Variants in IARS1 observed in about 807,000 individuals in gnomAD.
IARS1 encodes the protein isoleucyl-tRNA synthetase 1.
Under a neutral mutation model 168.2 loss-of-function variants are expected in IARS1, and 124 were observed. The observed-to-expected ratio is 0.74, with a 90% CI of 0.64 to 0.86. The LOEUF is 0.86. Ranked by LOEUF, IARS1 falls within the 40% of genes least tolerant of loss-of-function variation. The pLI, the probability that IARS1 is intolerant of heterozygous loss-of-function variation, is 0.00. For synonymous variants in IARS1, 532 were observed against 529.4 expected, an observed-to-expected ratio of 1.00 and a Z score of -0.07; for missense variants, 1,452 against 1,515.8, an observed-to-expected ratio of 0.96 and a Z score of 0.70.
intron 26 of IARS1, among the ~76,000 whole-genome samples, chr9:92,246,422 T>C (rs995106507): frequency 6.6e-6 from 1 of 152,168 alleles, no homozygotes; most frequent in Admixed American, 6.5e-5. Flanking sequence ...ATTCTAATCA[T>C]GGCAGAGCTG....
At chr9:92,243,157 A>G in intron 28 of IARS1, 59 bp downstream of exon 28, 2 of 1,283,302 alleles carry the variant, frequency 1.6e-6, no homozygotes, top group Non-Finnish European at 1.1e-6. Flanking sequence ...TATCTTCTCC[A>G]AACAACCAAA....
intron 28 of IARS1, chr9:92,242,830 A>G (rs1828635083): frequency 4.7e-6 from 1 of 213,004 alleles, no homozygotes; most frequent in Non-Finnish European, 9.5e-6. Flanking sequence ...ATAAGGAAAA[A>G]CTACCCAACT....
At position 92,222,049 on chromosome 9, in the gene IARS1, G is replaced by C. The variant is rs573646190; in HGVS notation, c.3706+471C>G. Among the ~76,000 whole-genome samples the C allele has an allele frequency of 4.6e-5, 7 of 152,114 alleles. No homozygotes were observed. In the South Asian group the frequency reaches 1.5e-3, roughly 32 times the overall value. ...AATTATATTATTGACCGGGCATCAC[G>C]GCTCACGCCTGTAATCCCAGCACTT... is the stretch of plus-strand genomic sequence containing the variant. On this transcript the variant is annotated intron_variant, in intron 33 of 33. Coordinates refer to ENST00000443024, the MANE Select transcript of IARS1 (RefSeq NM_002161.6).
chr9:92,229,942 G>C (rs1297504190), intron 30 of IARS1, among the ~76,000 whole-genome samples: 1 of 152,050 alleles, frequency 6.6e-6, no homozygotes, highest in Non-Finnish European at 1.5e-5. Flanking sequence ...GAGAATCCTC[G>C]TGTTGCCTTT....
intron 31 of IARS1, 103 bp downstream of exon 31, chr9:92,228,898 T>A: frequency 7.4e-7 from 1 of 1,353,758 alleles, no homozygotes; most frequent in Non-Finnish European, 1.0e-6. Flanking sequence ...TCAAGAGAGT[T>A]AGGAAAAATG....
chr9:92,213,508 T>C (rs2133311024), intron 33 of IARS1, among the ~76,000 whole-genome samples: 1 of 151,966 alleles, frequency 6.6e-6, no homozygotes, highest in East Asian at 1.9e-4. Context: ...GACCACGGAG[T>C]CAGAGACTGA....
chr9:92,281,229 G>C lies in IARS1; in HGVS notation c.598-336C>G, dbSNP rs1428670674. ...GCTCACTGCAGCCCCTGCCTCCTGG[G>C]TTCAAGTGATTCTTGTGCCTCAGCC... On this transcript the variant is annotated intron_variant, in intron 6 of 33. Transcript: ENST00000443024. Among the ~76,000 whole-genome samples the C allele has an allele frequency of 2.0e-5, 3 of 151,490 alleles. No individual in the cohort carries two copies. The East Asian group carries it at 5.8e-4, about 29-fold the overall frequency.
At chr9:92,283,490 A>C (rs752530807) in intron 6 of IARS1, among the ~76,000 whole-genome samples, 5 of 152,148 alleles carry the variant, frequency 3.3e-5, no homozygotes, top group Non-Finnish European at 7.3e-5. Context: ...CTAAAAATAC[A>C]AAACTTAGCT....
chr9:92,249,603 A>C (rs1220634224), intron 25 of IARS1, among the ~76,000 whole-genome samples: 1 of 152,148 alleles, frequency 6.6e-6, no homozygotes, highest in Non-Finnish European at 1.5e-5. Flanking sequence ...CAGGACAGAA[A>C]AGAACAGAAC....
intron 17 of IARS1, among the ~76,000 whole-genome samples, chr9:92,260,555 T>C (rs1831377347): frequency 6.6e-6 from 1 of 152,116 alleles, no homozygotes; most frequent in Admixed American, 6.5e-5. Context: ...CTGGGGAGGC[T>C]GAGGCAGGAG....
Position 92,273,005 on chromosome 9 carries a change from C to T in IARS1, c.991-1350G>A, listed in dbSNP as rs570899911. Among the ~76,000 whole-genome samples the T allele has an allele frequency of 4.3e-4, 64 of 150,060 alleles. No homozygotes were observed. In the South Asian group the frequency reaches 0.013, roughly 31 times the overall value. ...CTCTAGAGTTAATGACAAACACCCA[C>T]ATTTAAAAAAGAAAACCTCAGGAGG... On this transcript the variant is annotated intron_variant, in intron 10 of 33. Transcript: ENST00000443024.
At chr9:92,274,247 C>T (rs1833487380) in intron 10 of IARS1, among the ~76,000 whole-genome samples, 179 bp downstream of exon 10, 1 of 152,074 alleles carries the variant, frequency 6.6e-6, no homozygotes, top group African/African-American at 2.4e-5. Context: ...CCACTCTTTC[C>T]AGAAATCAGC....
intron 31 of IARS1, among the ~76,000 whole-genome samples, chr9:92,228,297 T>C (rs965533331): frequency 3.3e-5 from 5 of 152,236 alleles, no homozygotes; most frequent in South Asian, 2.1e-4. Context: ...CTTTTTTTTT[T>C]CAGAGGTCAC....
chr9:92,282,855 TATATA>T (rs1834841829), intron 6 of IARS1, among the ~76,000 whole-genome samples: 1 of 143,256 alleles, frequency 7.0e-6, no homozygotes, highest in African/African-American at 2.6e-5. Flanking sequence ...TATATATATA[TATATA>T]TTTTTTTTTT....
At chr9:92,242,541 G>A in intron 28 of IARS1, 1 of 536,422 alleles carries the variant, frequency 1.9e-6, no homozygotes, top group Non-Finnish European at 3.3e-6. Context: ...GGGGGATAGG[G>A]CATGTTTCTT....
Position 92,242,223 on chromosome 9 carries a change from G to A in IARS1, c.3108C>T (p.Thr1036=), listed in dbSNP as rs770757029. Residue 1036 remains threonine, a synonymous_variant, in exon 29 of 34, where the codon ACC becomes ACT. Transcript: ENST00000443024. The part of the protein sequence containing the change: ...IESHTEFIFT[T]IKAPLKPYPV... ...GATATGGTTTCAAGGGAGCCTTTAT[G>A]GTGGTAAATATGAACTCTGTGTGGC... is the stretch of plus-strand genomic sequence containing the variant. The A allele has an allele frequency of 5.6e-6, 9 of 1,613,862 alleles. No individual in the cohort carries two copies. The highest frequency in any genetic ancestry group is 5.3e-5 in the African/African-American group (4 of 74,906).
At chr9:92,249,981 G>T in intron 24 of IARS1, 40 bp from the exon 25 acceptor site, 1 of 1,198,982 alleles carries the variant, frequency 8.3e-7, no homozygotes, top group Non-Finnish European at 1.2e-6. Flanking sequence ...TCAGCAGCCA[G>T]TCCTCTAAAA....
chr9:92,213,243 G>A (rs1483562454), intron 33 of IARS1, among the ~76,000 whole-genome samples: 8 of 152,242 alleles, frequency 5.3e-5, no homozygotes, highest in Middle Eastern at 3.4e-3. Context: ...TAGGAAAGCA[G>A]GGAAAGAAAA....
intron 14 of IARS1, among the ~76,000 whole-genome samples, chr9:92,266,250 C>T (rs546902565): frequency 2.0e-5 from 3 of 152,152 alleles, no homozygotes; most frequent in Non-Finnish European, 4.4e-5. Flanking sequence ...TTTTAGTTTC[C>T]TCCTGGCACC....
Sources: gnomAD v4.1 joint callset for allele counts (sites outside exome capture counted in the v4.1 genomes callset) on GRCh38, gnomAD v4.1.1 for gene constraint, MANE v1.5 for transcripts, NCBI Gene and HGNC (gene_info 2026-07-23, HGNC 2026-07-21) for gene names.